The following FTO variants were observed in gnomAD, a reference collection of about 807,000 sequenced individuals.
FTO encodes FTO alpha-ketoglutarate dependent dioxygenase, also known as alpha-ketoglutarate-dependent dioxygenase FTO.
FTO carries 47 observed loss-of-function variants against 63.9 expected under a neutral mutation model. The ratio of observed to expected loss-of-function variants is 0.74; its 90% CI spans 0.58 to 0.94. FTO has a LOEUF of 0.94. Among genes scored for constraint, FTO ranks in the 40% least tolerant of loss-of-function variants. FTO has a pLI of 0.00. For synonymous variants in FTO, 207 were observed against 224.4 expected (o/e 0.92, Z 0.69); for missense variants, 562 against 618.1 (o/e 0.91, Z 0.96).
rs533410781 is a variant in FTO, at chr16:54,057,050, GACACGGAGTCAGAGAAC to G, written c.1365-54709_1365-54693del. On this transcript the variant is annotated intron_variant, in intron 8 of 8. Transcript: ENST00000471389. ...ACTCACAGTCTAGGAGAGTGAGATG[GACACGGAGTCAGAGAAC>G]ACTGAAGGTTGGTTTATGAGCAGCA... is the stretch of plus-strand genomic sequence containing the variant. 7.6e-4 allele frequency among the ~76,000 whole-genome samples: 116 copies of G among 152,300 alleles called. 1 individual carries two copies. The East Asian group carries it at 0.015, about 20-fold the overall frequency.
At chr16:53,804,410 C>T (rs192795122) in intron 1 of FTO, among the ~76,000 whole-genome samples, 28 of 152,206 alleles carry the variant, frequency 1.8e-4, no homozygotes, top group Non-Finnish European at 2.8e-4. Context: ...GATGTGGTAC[C>T]GCATCGAGGA....
intron 5 of FTO, among the ~76,000 whole-genome samples, chr16:53,878,305 A>G (rs2080725029): frequency 6.6e-6 from 1 of 152,096 alleles, no homozygotes; most frequent in East Asian, 1.9e-4. Context: ...CCCGTCTCAA[A>G]AAAAAAAAGT....
chr16:53,978,420 G>A (rs1428539882), intron 8 of FTO, among the ~76,000 whole-genome samples: 6 of 152,134 alleles, frequency 3.9e-5, no homozygotes, highest in Non-Finnish European at 7.3e-5. Flanking sequence ...GATTAAACTG[G>A]ATAATATAAT....
intron 1 of FTO, among the ~76,000 whole-genome samples, chr16:53,759,553 G>T (rs1180605859): frequency 6.6e-6 from 1 of 151,972 alleles, no homozygotes; most frequent in Non-Finnish European, 1.5e-5. Context: ...AATTAGCTGG[G>T]CATGGTGGTG....
intron 7 of FTO, among the ~76,000 whole-genome samples, chr16:53,902,236 C>G (rs1335722038): frequency 1.3e-5 from 2 of 152,142 alleles, no homozygotes; most frequent in Non-Finnish European, 2.9e-5. Flanking sequence ...AACTGCTAGG[C>G]TCTGACAAGC....
Position 54,104,002 on chromosome 16 carries a change from T to TTGTACATCAG in FTO, c.1365-7759_1365-7750dup, listed in dbSNP as rs1257709931. On this transcript the variant is annotated intron_variant, in intron 8 of 8. Coordinates refer to ENST00000471389, the MANE Select transcript of FTO (RefSeq NM_001080432.3). ...AATTATACATGGAAATCCCTTCAAT[T>TTGTACATCAG]TGTACATCAGGTACTGGCAGGGATT... Among the ~76,000 whole-genome samples the TTGTACATCAG allele has an allele frequency of 4.6e-5, 7 of 152,288 alleles. No individual in the cohort carries two copies. In the South Asian group the frequency reaches 8.3e-4, roughly 18 times the overall value.
intron 8 of FTO, among the ~76,000 whole-genome samples, chr16:53,997,119 A>G: frequency 7.4e-6 from 1 of 135,612 alleles, no homozygotes; most frequent in Non-Finnish European, 1.5e-5. Flanking sequence ...TCTAAAGAAA[A>G]AAAAGAAAGA....
chr16:53,798,959 T>C (rs1247255651), intron 1 of FTO, among the ~76,000 whole-genome samples: 6 of 152,208 alleles, frequency 3.9e-5, no homozygotes, highest in Non-Finnish European at 2.9e-5. Flanking sequence ...TTGGGTATTG[T>C]CTAATGCTCT....
intron 8 of FTO, among the ~76,000 whole-genome samples, chr16:54,097,325 T>G (rs1031990169): frequency 8.3e-6 from 1 of 120,608 alleles, no homozygotes; most frequent in Non-Finnish European, 1.5e-5. Flanking sequence ...TCTTTTTTTG[T>G]TTTTTTTTTG....
chr16:53,983,873 T>C (rs761161154), intron 8 of FTO, among the ~76,000 whole-genome samples: 8 of 152,202 alleles, frequency 5.3e-5, no homozygotes, highest in Non-Finnish European at 1.2e-4. Flanking sequence ...AATCCAGATG[T>C]TTGTATGAAA....
intron 8 of FTO, chr16:53,979,566 T>TGTGTGTGTGTGTGTGTGTGTGC (rs1555499751): frequency 3.0e-6 from 1 of 330,442 alleles, no homozygotes; most frequent in African/African-American, 2.2e-5. Context: ...TGTGTGTGTG[T>TGTGTGTGTGTGTGTGTGTGTGC]GCGCGCGTGT....
At chr16:53,825,800 C>A in intron 2 of FTO, 64 bp from the exon 3 acceptor site, 1 of 1,581,090 alleles carries the variant, frequency 6.3e-7, no homozygotes, top group Non-Finnish European at 8.6e-7. Flanking sequence ...AAGAAACACA[C>A]CTTTGGAAAT....
At chr16:53,966,082 G>A (rs1258355514) in intron 8 of FTO, among the ~76,000 whole-genome samples, 1 of 152,102 alleles carries the variant, frequency 6.6e-6, no homozygotes, top group Non-Finnish European at 1.5e-5. Context: ...TGGCCAGGCT[G>A]ATCTCGAACT....
chr16:53,963,269 C>G (rs1394226339), intron 8 of FTO, among the ~76,000 whole-genome samples: 1 of 152,132 alleles, frequency 6.6e-6, no homozygotes, highest in African/African-American at 2.4e-5. Context: ...GTCTCTCAAG[C>G]AGGAGTGGTA....
chr16:54,049,264 C>T (rs1335676334), intron 8 of FTO, among the ~76,000 whole-genome samples: 2 of 152,122 alleles, frequency 1.3e-5, no homozygotes, highest in Admixed American at 6.5e-5. Flanking sequence ...CTACAAGTAC[C>T]GTCACTTTTG....
intron 8 of FTO, among the ~76,000 whole-genome samples, chr16:53,999,456 C>T (rs1233538642): frequency 1.3e-5 from 2 of 152,196 alleles, no homozygotes; most frequent in African/African-American, 2.4e-5. Context: ...TCTCTCCCAG[C>T]TTAGGTCCTG....
chr16:53,949,605 A>G (rs967449903), intron 8 of FTO, among the ~76,000 whole-genome samples: 4 of 151,864 alleles, frequency 2.6e-5, no homozygotes, highest in East Asian at 3.9e-4. Context: ...ACGAATGTCT[A>G]TGGCAGAGTT....
intron 8 of FTO, among the ~76,000 whole-genome samples, chr16:54,083,984 C>G (rs1052620433): frequency 6.6e-6 from 1 of 152,136 alleles, no homozygotes; most frequent in African/African-American, 2.4e-5. Context: ...CTCCAAAATC[C>G]AAAACTTTTT....
intron 8 of FTO, among the ~76,000 whole-genome samples, chr16:53,955,506 A>G (rs1215965304): frequency 6.6e-6 from 1 of 152,174 alleles, no homozygotes; most frequent in Non-Finnish European, 1.5e-5. Flanking sequence ...AGGGAGAAGT[A>G]AGTGAGATGG....
Sources: gnomAD v4.1 joint callset for allele counts (sites outside exome capture counted in the v4.1 genomes callset) on GRCh38, gnomAD v4.1.1 for gene constraint, MANE v1.5 for transcripts, NCBI Gene and HGNC (gene_info 2026-07-23, HGNC 2026-07-21) for gene names.